Variants in CNTN3 observed in about 807,000 individuals in gnomAD.
The protein encoded by CNTN3 is contactin-3.
Under a neutral mutation model 119.1 loss-of-function variants are expected in CNTN3, and 60 were observed. The observed-to-expected ratio is 0.50, with a 90% CI of 0.41 to 0.62. CNTN3 has a LOEUF of 0.62. Ranked by LOEUF, CNTN3 falls within the 20% of genes least tolerant of loss-of-function variation. CNTN3 has a pLI of 0.00. For synonymous variants in CNTN3, 450 were observed against 438.7 expected (o/e 1.03, Z -0.32); for missense variants, 1,101 against 1,242.4 (o/e 0.89, Z 1.71).
intron 1 of CNTN3, among the ~76,000 whole-genome samples, chr3:74,580,120 T>C (rs1704480056): frequency 6.6e-6 from 1 of 152,158 alleles, no homozygotes; most frequent in African/African-American, 2.4e-5. Flanking sequence ...ACATTATCGG[T>C]ATAAACCAAT....
At chr3:74,334,158 A>G (rs1289951519) in intron 13 of CNTN3, among the ~76,000 whole-genome samples, 2 of 152,220 alleles carry the variant, frequency 1.3e-5, no homozygotes, top group Non-Finnish European at 2.9e-5. Flanking sequence ...GAAACATTAG[A>G]AAGCATTTGT....
At chr3:74,532,801 A>T (rs1032487980) in intron 1 of CNTN3, among the ~76,000 whole-genome samples, 1 of 152,024 alleles carries the variant, frequency 6.6e-6, no homozygotes, top group African/African-American at 2.4e-5. Context: ...ACCACAGAAA[A>T]TGATACCTTA....
chr3:74,589,454 A>T (rs1407811805), intron 1 of CNTN3, among the ~76,000 whole-genome samples: 2 of 147,230 alleles, frequency 1.4e-5, no homozygotes, highest in Non-Finnish European at 3.0e-5. Flanking sequence ...AAGTCAGGAA[A>T]CAACAGGTGC....
At chr3:74,591,598 G>A (rs1451717828) in intron 1 of CNTN3, among the ~76,000 whole-genome samples, 1 of 151,730 alleles carries the variant, frequency 6.6e-6, no homozygotes, top group African/African-American at 2.4e-5. Flanking sequence ...GAAACAGCTG[G>A]CAAGATGGAG....
At chr3:74,592,970 C>T (rs1157319209) in intron 1 of CNTN3, among the ~76,000 whole-genome samples, 1 of 151,852 alleles carries the variant, frequency 6.6e-6, no homozygotes, top group African/African-American at 2.4e-5. Context: ...CCAGGCACAA[C>T]TATAGTTTTA....
At chr3:74,365,954 C>T (rs1471385808) in intron 8 of CNTN3, among the ~76,000 whole-genome samples, 4 of 152,016 alleles carry the variant, frequency 2.6e-5, no homozygotes, top group African/African-American at 9.7e-5. Context: ...TATGCTCTCT[C>T]TATTTTCAAA....
intron 4 of CNTN3, among the ~76,000 whole-genome samples, chr3:74,474,598 A>T (rs1323891220): frequency 1.3e-5 from 2 of 151,956 alleles, no homozygotes; most frequent in Non-Finnish European, 2.9e-5. Flanking sequence ...AGTTCAAGTG[A>T]TTTTCCTCCC....
At chr3:74,508,651 C>CT (rs34390369) in intron 2 of CNTN3, among the ~76,000 whole-genome samples, 25,683 of 152,012 alleles carry the variant, frequency 0.17, 2,761 homozygotes, top group East Asian at 0.42. Flanking sequence ...GGACTGTTAA[C>CT]TTTTTTCCTT....
intron 5 of CNTN3, among the ~76,000 whole-genome samples, chr3:74,408,381 G>A (rs1339506868): frequency 1.3e-5 from 2 of 152,134 alleles, no homozygotes; most frequent in Admixed American, 1.3e-4. Context: ...TATCTCCCAG[G>A]AACAGTAACA....
chr3:74,591,837 T>C (rs1704707590), intron 1 of CNTN3, among the ~76,000 whole-genome samples: 1 of 151,670 alleles, frequency 6.6e-6, no homozygotes, highest in East Asian at 1.9e-4. Flanking sequence ...CAGATGGAAA[T>C]AGTGGGCCTT....
chr3:74,555,976 T>C (rs1464259780), intron 1 of CNTN3, among the ~76,000 whole-genome samples: 1 of 152,174 alleles, frequency 6.6e-6, no homozygotes, highest in Non-Finnish European at 1.5e-5. Context: ...TTTGGGTCTT[T>C]TGCCCATTTT....
At chr3:74,417,973 G>A (rs1701551389) in intron 5 of CNTN3, among the ~76,000 whole-genome samples, 1 of 152,188 alleles carries the variant, frequency 6.6e-6, no homozygotes, top group Admixed American at 6.5e-5. Context: ...TAAATAAGCA[G>A]TAATATTCTA....
intron 3 of CNTN3, among the ~76,000 whole-genome samples, chr3:74,496,222 C>G (rs974338693): frequency 2.0e-5 from 3 of 152,086 alleles, no homozygotes; most frequent in Admixed American, 6.6e-5. Context: ...TTCAGACTTA[C>G]GACTTACCTT....
chr3:74,499,640 T>C lies in CNTN3; in HGVS notation c.182+19A>G. The C allele has an allele frequency of 2.5e-6, 4 of 1,580,454 alleles. No individual in the cohort carries two copies. Among genetic ancestry groups the C allele is most frequent in the Non-Finnish European group, 3.4e-6 (4 of 1,168,524 alleles). On this transcript the variant is annotated intron_variant, in intron 3 of 22. Transcript: ENST00000263665. Reference sequence around the variant, plus strand: ...GTGTTTAGTTTTTTTTATTTGAATTTTCAAACTTTTCACTGTACCTGTAAT... The same window carrying C: ...GTGTTTAGTTTTTTTTATTTGAATTCTCAAACTTTTCACTGTACCTGTAAT...
chr3:74,532,772 C>T (rs550278862), intron 1 of CNTN3, among the ~76,000 whole-genome samples: 10 of 152,094 alleles, frequency 6.6e-5, no homozygotes, highest in African/African-American at 2.2e-4. Flanking sequence ...TGGACTACAG[C>T]TGACGTTGGG....
intron 3 of CNTN3, among the ~76,000 whole-genome samples, chr3:74,498,170 A>G (rs1185591610): frequency 6.6e-6 from 1 of 151,838 alleles, no homozygotes; most frequent in Admixed American, 6.6e-5. Flanking sequence ...CTGCTTTATC[A>G]TATTTACAGC....
chr3:74,482,041 T>G (rs1053937465), intron 4 of CNTN3, among the ~76,000 whole-genome samples: 6 of 151,784 alleles, frequency 4.0e-5, no homozygotes, highest in African/African-American at 1.4e-4. Flanking sequence ...CAAAGAAAAC[T>G]CCAAGCCTAA....
In CNTN3 at chr3:74,267,254, G is replaced by A; in HGVS notation, c.2817+12C>T. On this transcript the variant is annotated intron_variant, in intron 21 of 22. Transcript: ENST00000263665. ...ATTACGAAAATGAAGCATTGCAAAT[G>A]AGAAAACTTACTTTATATCCTGTTA... The A allele has an allele frequency of 6.4e-7, 1 of 1,572,188 alleles. No individual in the cohort carries two copies. The highest frequency in any genetic ancestry group is 1.1e-5 in the South Asian group (1 of 89,796).
At chr3:74,448,782 C>G (rs954662030) in intron 4 of CNTN3, among the ~76,000 whole-genome samples, 13 of 152,002 alleles carry the variant, frequency 8.6e-5, no homozygotes, top group African/African-American at 3.1e-4. Flanking sequence ...CAGAATGGTC[C>G]ATTTCATAAC....
Sources: allele counts gnomAD v4.1 joint callset (sites outside exome capture counted in the v4.1 genomes callset), GRCh38; gene constraint gnomAD v4.1.1; transcripts MANE v1.5; gene names NCBI Gene and HGNC (gene_info 2026-07-23, HGNC 2026-07-21).